SLC52A3: variants seen among roughly 807,000 people sequenced by gnomAD.
SLC52A3 encodes solute carrier family 52 member 3, also known as solute carrier family 52, riboflavin transporter, member 3.
Under a neutral mutation model 29.5 loss-of-function variants are expected in SLC52A3, and 20 were observed. The observed-to-expected ratio is 0.68, with a 90% CI of 0.48 to 0.99. The LOEUF is 0.99. Ranked by LOEUF, SLC52A3 falls within the 50% of genes least tolerant of loss-of-function variation. The pLI, the probability that SLC52A3 is intolerant of heterozygous loss-of-function variation, is 0.00. For missense variants in SLC52A3, 548 were observed against 612.9 expected (o/e 0.89, Z 1.12); for synonymous variants, 301 against 271.0 (o/e 1.11, Z -1.09).
Position 765,502 on chromosome 20 carries a change from G to A in SLC52A3, c.273C>T (p.Phe91=). Residue 91 remains phenylalanine (F), a synonymous_variant, in exon 2 of 5, where the codon TTC becomes TTT. Transcript: ENST00000645534. This position sits in a 1 kb window ranked among gnomAD's most constrained non-coding sequence, Gnocchi z 6.6. ...VGTVTCIIFA[F]LWNMTSWVLD... ...GCACCCAGGAGGTCATATTCCAGAG[G>A]AAGGCAAAGATGATGCAGGTGACGG... The A allele has an allele frequency of 3.2e-6, 5 of 1,586,484 alleles. No individual in the cohort carries two copies. Among genetic ancestry groups the A allele is most frequent in the Non-Finnish European group, 4.3e-6 (5 of 1,166,310 alleles).
upstream of SLC52A3, among the ~76,000 whole-genome samples, chr20:770,573 GA>G (rs1986817539): frequency 6.6e-6 from 1 of 152,134 alleles, no homozygotes; most frequent in Non-Finnish European, 1.5e-5. This position sits in a 1 kb window ranked among gnomAD's most constrained non-coding sequence, Gnocchi z 4.5. Context: ...TTCATCAAAC[GA>G]ATCTTTGGTC....
At chr20:766,606 C>T (rs531082012) in intron 1 of SLC52A3, among the ~76,000 whole-genome samples, 1 of 152,256 alleles carries the variant, frequency 6.6e-6, no homozygotes, top group South Asian at 2.1e-4. Context: ...CCACCCCTGC[C>T]CGCCAGGGAA....
At chr20:775,475 C>T (rs572251533) in intron 1 of SLC52A3, among the ~76,000 whole-genome samples, 29 of 152,134 alleles carry the variant, frequency 1.9e-4, no homozygotes, top group African/African-American at 7.0e-4. Context: ...GATGGAGTTT[C>T]GCCACGTTGC....
chr20:778,856 A>G (rs547091362), upstream of SLC52A3, among the ~76,000 whole-genome samples: 2 of 152,162 alleles, frequency 1.3e-5, no homozygotes, highest in African/African-American at 4.8e-5. Context: ...CTGGGATTAC[A>G]GGCATGAGCC....
intron 1 of SLC52A3, among the ~76,000 whole-genome samples, chr20:767,642 A>G (rs1201784333): frequency 6.6e-6 from 1 of 152,188 alleles, no homozygotes; most frequent in African/African-American, 2.4e-5. Context: ...GGCATGAGCC[A>G]CCGCTCCTGG....
upstream of SLC52A3, among the ~76,000 whole-genome samples, chr20:778,717 C>T (rs1308310466): frequency 6.6e-6 from 1 of 151,272 alleles, no homozygotes; most frequent in East Asian, 2.0e-4. Context: ...GCAGGATGGC[C>T]ACTTTCTTCT....
chr20:771,351 C>T (rs573961702), upstream of SLC52A3, among the ~76,000 whole-genome samples: 67 of 152,132 alleles, frequency 4.4e-4, 1 homozygote, highest in East Asian at 1.4e-3. Flanking sequence ...TGCTTGAACT[C>T]GGGATGTGGA....
In SLC52A3 at chr20:765,610, G is replaced by A. The variant is rs1375021792; in HGVS notation, c.165C>T (p.Pro55=). 6.3e-7 allele frequency: 1 copy of A among 1,599,282 alleles called. No homozygotes were observed. Among genetic ancestry groups the A allele is most frequent in the Non-Finnish European group, 8.5e-7 (1 of 1,173,870 alleles). ...AGTGATGGAGCAGGGTGACCAGGAG[G>A]GGCCCGATGTTGGCCAGCTGGATGA... ...TVVIQLANIG[P]LLVTLLHHFR... is the part of the protein sequence containing the mutation. Residue 55 remains proline, a synonymous_variant, in exon 2 of 5, where the codon CCC becomes CCT. Coordinates refer to ENST00000645534, the MANE Select transcript of SLC52A3 (RefSeq NM_033409.4). This position sits in a 1 kb window ranked among gnomAD's most constrained non-coding sequence, Gnocchi z 6.6.
At position 763,810 on chromosome 20, in the gene SLC52A3, T is replaced by C; in HGVS notation, c.761A>G (p.Asp254Gly). ...QPRCWEASVE[D>G]LLNDQVTLHS... ...GAGGGTGACCTGGTCATTGAGGAGGTCTTCCACGGAAGCCTCCCAGCACCT... is the reference window on the plus strand; with the variant it reads ...GAGGGTGACCTGGTCATTGAGGAGGCCTTCCACGGAAGCCTCCCAGCACCT... Residue 254 changes from aspartate (D) to glycine (G), a missense_variant, in exon 3 of 5, where the codon GAC (aspartate) becomes GGC (glycine). Asp to Gly is a moderately conservative substitution (Grantham distance 94). Coordinates refer to ENST00000645534, the MANE Select transcript of SLC52A3 (RefSeq NM_033409.4). The C allele has an allele frequency of 6.2e-7, 1 of 1,613,880 alleles. No individual in the cohort carries two copies. The highest frequency in any genetic ancestry group is 8.5e-7 in the Non-Finnish European group (1 of 1,179,934).
chr20:777,147 A>G (rs1221159164), upstream of SLC52A3, among the ~76,000 whole-genome samples: 3 of 152,182 alleles, frequency 2.0e-5, no homozygotes, highest in Admixed American at 2.0e-4. Context: ...GAGGCAGGAG[A>G]ATTGCTTGAG....
Position 761,523 on chromosome 20 carries a change from A to C in SLC52A3, c.1197+178T>G, listed in dbSNP as rs1339318099. On this transcript the variant is annotated intron_variant, in intron 4 of 4. Coordinates refer to ENST00000645534, the MANE Select transcript of SLC52A3 (RefSeq NM_033409.4). ...CATGGTGGGAAGAGGCCTACCAGTCACCTCGATTCCCTAAGCCTCCACTCC... is the reference window on the plus strand; with the variant it reads ...CATGGTGGGAAGAGGCCTACCAGTCCCCTCGATTCCCTAAGCCTCCACTCC... The C allele has an allele frequency of 5.4e-6, 5 of 919,738 alleles. No individual in the cohort carries two copies. In the African/African-American group the frequency reaches 6.6e-5, roughly 12 times the overall value. The allele number at this position is 919,738 out of a possible 1,614,324, so 57.0% of individuals were successfully genotyped here.
At chr20:764,842 A>G (rs1986621700) in intron 2 of SLC52A3, among the ~76,000 whole-genome samples, 1 of 152,186 alleles carries the variant, frequency 6.6e-6, no homozygotes, top group Non-Finnish European at 1.5e-5. Context: ...GATGGCCTTT[A>G]TCACCCGAGG....
upstream of SLC52A3, among the ~76,000 whole-genome samples, chr20:772,519 G>A (rs1373351116): frequency 6.6e-6 from 1 of 152,152 alleles, no homozygotes; most frequent in Non-Finnish European, 1.5e-5. Context: ...GAGAAAAGGA[G>A]AGACTCAGAA....
chr20:765,738 C>T lies in SLC52A3; in HGVS notation c.37G>A (p.Gly13Arg), dbSNP rs146302587. ...FLMHLLVCVF[G>R]MGSWVTINGL... Reference sequence around the variant, plus strand: ...TTGATGGTCACCCAGGAGCCCATTCCGAAGACGCAGACCAGCAGGTGCATC... The same window carrying T: ...TTGATGGTCACCCAGGAGCCCATTCTGAAGACGCAGACCAGCAGGTGCATC... Residue 13 changes from glycine to arginine, a missense_variant, in exon 2 of 5, where the codon GGA becomes AGA. Gly to Arg is a moderately radical substitution (Grantham distance 125). Transcript: ENST00000645534. The surrounding 1 kb of genome is among the most constrained non-coding windows in gnomAD (Gnocchi z 6.6). 9.9e-6 allele frequency: 16 copies of T among 1,612,402 alleles called. No individual in the cohort carries two copies. The highest frequency in any genetic ancestry group is 3.3e-5 in the Admixed American group (2 of 59,908).
At chr20:779,000 A>G (rs575478178), upstream of SLC52A3, among the ~76,000 whole-genome samples, 414 of 152,290 alleles carry the variant, frequency 2.7e-3, 1 homozygote, top group Non-Finnish European at 3.3e-3. Context: ...TAATAATGAA[A>G]CATCAATATT....
intron 4 of SLC52A3, 129 bp from the exon 5 acceptor site, chr20:761,367 G>T: frequency 9.0e-7 from 1 of 1,116,302 alleles, no homozygotes; most frequent in Non-Finnish European, 1.2e-6. Context: ...CCTTCTGGGA[G>T]TGAGCCTGCG....
chr20:767,645 G>A (rs762175944), intron 1 of SLC52A3, among the ~76,000 whole-genome samples: 13 of 152,114 alleles, frequency 8.5e-5, no homozygotes, highest in Admixed American at 1.3e-4. Context: ...ATGAGCCACC[G>A]CTCCTGGCCC....
chr20:779,597 C>A (rs140561593), upstream of SLC52A3, among the ~76,000 whole-genome samples: 2 of 152,180 alleles, frequency 1.3e-5, no homozygotes, highest in African/African-American at 4.8e-5. Flanking sequence ...CCAGGCTGGG[C>A]GACAAGAGTG....
chr20:773,095 G>A (rs668988), upstream of SLC52A3, among the ~76,000 whole-genome samples: 43,856 of 152,086 alleles, frequency 0.29, 7,317 homozygotes, highest in South Asian at 0.51. Context: ...TCCGTGAGTG[G>A]GCAGAAGAGA....
Sources: allele counts gnomAD v4.1 joint callset (sites outside exome capture counted in the v4.1 genomes callset), GRCh38; gene constraint gnomAD v4.1.1; non-coding constraint Gnocchi (gnomAD v3.1); transcripts MANE v1.5; gene names NCBI Gene and HGNC (gene_info 2026-07-23, HGNC 2026-07-21).